ADAM7: variants seen among roughly 807,000 people sequenced by gnomAD.
The protein encoded by ADAM7 is ADAM metallopeptidase domain 7, also known as disintegrin and metalloproteinase domain-containing protein 7.
ADAM7 carries 97 observed loss-of-function variants against 102.9 expected under a neutral mutation model. The ratio of observed to expected loss-of-function variants is 0.94; its 90% confidence interval spans 0.80 to 1.12. The LOEUF (loss-of-function observed/expected upper bound fraction) is 1.12. Ranked by LOEUF, ADAM7 falls within the 50% of genes most tolerant of loss-of-function variation. The probability of loss-of-function intolerance (pLI) is 0.00; values close to 1 mark genes in which losing one functional copy is unlikely to be tolerated. For synonymous variants in ADAM7, 334 were observed against 304.4 expected (o/e 1.10, Z -1.01); for missense variants, 991 against 908.7 (o/e 1.09, Z -1.16).
At position 24,501,642 on chromosome 8, in the gene ADAM7, T is replaced by C. The variant is rs536326263; in HGVS notation, c.2208+66T>C. On this transcript the variant is annotated intron_variant, in intron 20 of 21. Coordinates refer to ENST00000175238, the MANE Select transcript of ADAM7 (RefSeq NM_003817.4). Reference sequence around the variant, plus strand: ...TTTTTTTTAAGTAGCTGAATGTGTTTAAAGTAGAACCCGTCCTAAGCTAAG... The same window carrying C: ...TTTTTTTTAAGTAGCTGAATGTGTTCAAAGTAGAACCCGTCCTAAGCTAAG... The C allele has an allele frequency of 4.1e-5, 51 of 1,256,132 alleles. 1 individual carries two copies. The South Asian group carries it at 6.9e-4, about 17-fold the overall frequency. The allele number at this position is 1,256,132 out of a possible 1,614,324, so 77.8% of individuals were successfully genotyped here.
intron 7 of ADAM7, 21 bp downstream of exon 7, chr8:24,468,841 TTC>T (rs1264741380): frequency 1.3e-6 from 2 of 1,598,732 alleles, no homozygotes; most frequent in South Asian, 1.1e-5. Context: ...AATAGAACAT[TTC>T]TCTCTTTATT....
At chr8:24,472,715 T>C (rs190706088) in intron 7 of ADAM7, among the ~76,000 whole-genome samples, 5 of 151,314 alleles carry the variant, frequency 3.3e-5, no homozygotes, top group Admixed American at 2.6e-4. Context: ...ACAATATAAA[T>C]CCAAAGAAGG....
At chr8:24,472,350 C>T (rs1298411515) in intron 7 of ADAM7, among the ~76,000 whole-genome samples, 1 of 151,688 alleles carries the variant, frequency 6.6e-6, no homozygotes, top group East Asian at 1.9e-4. Context: ...AAGTGGGTAT[C>T]TGGCCACAAA....
At chr8:24,461,837 A>T (rs1236720906) in intron 3 of ADAM7, among the ~76,000 whole-genome samples, 1 of 152,214 alleles carries the variant, frequency 6.6e-6, no homozygotes, top group East Asian at 1.9e-4. Flanking sequence ...TTTTTAAAAA[A>T]TATAATTCCA....
chr8:24,505,725 C>T (rs1241891406), intron 20 of ADAM7, among the ~76,000 whole-genome samples: 1 of 152,094 alleles, frequency 6.6e-6, no homozygotes, highest in Non-Finnish European at 1.5e-5. Context: ...TTAATATTTA[C>T]TGGGGAGTTA....
intron 9 of ADAM7, among the ~76,000 whole-genome samples, chr8:24,483,600 C>T (rs114814334): frequency 0.015 from 2,273 of 152,230 alleles, 59 homozygotes; most frequent in African/African-American, 0.052. Context: ...TCCAAAGTAA[C>T]ATAATTCCTG....
At chr8:24,506,063 G>T in intron 20 of ADAM7, 1 of 1,506,430 alleles carries the variant, frequency 6.6e-7, no homozygotes, top group South Asian at 1.2e-5. Flanking sequence ...ACTAGGAATT[G>T]CAGGTTAATA....
chr8:24,502,569 A>G (rs112571742), intron 20 of ADAM7, among the ~76,000 whole-genome samples: 1 of 152,074 alleles, frequency 6.6e-6, no homozygotes, highest in East Asian at 1.9e-4. Context: ...CAATGAAGAT[A>G]CTATAAATAT....
chr8:24,482,411 T>A, intron 9 of ADAM7, 100 bp downstream of exon 9: 1 of 1,268,668 alleles, frequency 7.9e-7, no homozygotes, highest in East Asian at 2.4e-5. Context: ...AGCATTTGAC[T>A]TTTGGGTAGC....
At chr8:24,479,150 C>T (rs1030313731) in intron 8 of ADAM7, among the ~76,000 whole-genome samples, 31 of 152,028 alleles carry the variant, frequency 2.0e-4, no homozygotes, top group African/African-American at 6.8e-4. Context: ...TCAGTAGTGG[C>T]GTGTTGTTTG....
chr8:24,494,655 T>A (rs1490193905), intron 16 of ADAM7, among the ~76,000 whole-genome samples: 1 of 152,158 alleles, frequency 6.6e-6, no homozygotes, highest in Admixed American at 6.6e-5. Context: ...CAAATTCTAA[T>A]GAGGAAATTC....
At chr8:24,485,222 G>T (rs926157073) in intron 9 of ADAM7, 55 bp from the exon 10 acceptor site, 4 of 1,487,112 alleles carry the variant, frequency 2.7e-6, no homozygotes, top group Non-Finnish European at 3.7e-6. Flanking sequence ...TTTGATCTTT[G>T]TGTTAATTAA....
In ADAM7 at chr8:24,485,309, T is replaced by A; in HGVS notation, c.908T>A (p.Ile303Asn). ...TGGCTCTACTCACATGTGCAAGGAA[T>A]TTCTTATCCAGGGGGTATGTGCCTG... The part of the protein sequence containing the change: ...GKWLYSHVQG[I>N]SYPGGMCLPY... The change falls in exon 10 of 22, where the codon ATT becomes AAT. Residue 303 changes from isoleucine (I) to asparagine (N), a missense_variant. Physicochemically the swap from Ile to Asn is moderately radical, Grantham distance 149. Transcript: ENST00000175238. The A allele has an allele frequency of 6.2e-7, 1 of 1,613,706 alleles. No individual in the cohort carries two copies. The highest frequency in any genetic ancestry group is 8.5e-7 in the Non-Finnish European group (1 of 1,179,784).
At chr8:24,467,948 C>T (rs971688860) in intron 6 of ADAM7, among the ~76,000 whole-genome samples, 12 of 152,008 alleles carry the variant, frequency 7.9e-5, no homozygotes, top group African/African-American at 2.4e-4. Context: ...GCCTGTAATC[C>T]CAGCTACTTG....
In ADAM7 at chr8:24,485,363, TG is replaced by T. The variant is rs754168177; in HGVS notation, c.960+5del. On this transcript the variant is annotated splice_donor_region_variant and intron_variant, in intron 10 of 21. Coordinates refer to ENST00000175238, the MANE Select transcript of ADAM7 (RefSeq NM_003817.4). ...TATTATTCCACCAGTATCATTAAGG[TG>T]GGCTGTGTTTTATTTATATTACTTA... 4.3e-6 allele frequency: 7 copies of T among 1,611,334 alleles called. No homozygotes were observed. The Admixed American group carries it at 1.2e-4, about 27-fold the overall frequency.
chr8:24,505,360 GAATA>G (rs1347989112), intron 20 of ADAM7, among the ~76,000 whole-genome samples: 1 of 151,996 alleles, frequency 6.6e-6, no homozygotes, highest in African/African-American at 2.4e-5. Context: ...AAGAGAAGAT[GAATA>G]AATATCTGTT....
At position 24,494,404 on chromosome 8, in the gene ADAM7, G is replaced by C. The variant is rs908551986; in HGVS notation, c.1842+1175G>C. 2.0e-5 allele frequency among the ~76,000 whole-genome samples: 3 copies of C among 152,062 alleles called. No homozygotes were observed. In the South Asian group the frequency reaches 6.2e-4, roughly 32 times the overall value. Reference sequence around the variant, plus strand: ...ACTAAGTGTGAAGCCTGAGGTTGAAGAAAATACCAAAAGATTTGCTATTCA... The same window carrying C: ...ACTAAGTGTGAAGCCTGAGGTTGAACAAAATACCAAAAGATTTGCTATTCA... On this transcript the variant is annotated intron_variant, in intron 16 of 21. Coordinates refer to ENST00000175238, the MANE Select transcript of ADAM7 (RefSeq NM_003817.4).
At chr8:24,506,237 GT>G in intron 20 of ADAM7, 3 of 1,200,668 alleles carry the variant, frequency 2.5e-6, no homozygotes, top group Non-Finnish European at 3.5e-6. Flanking sequence ...TCATTTGTTG[GT>G]TCCTTGAAAA....
In ADAM7 at chr8:24,500,202, C is replaced by T. The variant is rs1188197575; in HGVS notation, c.1948C>T (p.His650Tyr). Reference protein sequence around the residue: ...NPVDGHGLQCHCEEGQAPVAC... With the variant: ...NPVDGHGLQCYCEEGQAPVAC... ...GGTGGATGGCCACGGACTCCAGTGC[C>T]ACTGTGAGGAAGGACAGGCACCTGT... is the stretch of plus-strand genomic sequence containing the variant. Residue 650 changes from histidine (H) to tyrosine (Y), a missense_variant, in exon 18 of 22, where the codon CAC becomes TAC. His to Tyr is a moderately conservative substitution (Grantham distance 83). Transcript: ENST00000175238. 3 of 1,611,840 alleles carry T rather than the reference C, an allele frequency of 1.9e-6. No homozygotes were observed. The highest frequency in any genetic ancestry group is 2.2e-5 in the South Asian group (2 of 90,888).
Sources: gnomAD v4.1 joint callset for allele counts (sites outside exome capture counted in the v4.1 genomes callset) on GRCh38, gnomAD v4.1.1 for gene constraint, MANE v1.5 for transcripts, NCBI Gene and HGNC (gene_info 2026-07-23, HGNC 2026-07-21) for gene names.